CA13: variants seen among roughly 807,000 people sequenced by gnomAD.
CA13 encodes the protein carbonic anhydrase 13.
A neutral mutation model predicts 31.5 loss-of-function variants in CA13; 21 were observed. That is an observed-to-expected ratio of 0.67 (90% CI 0.47 to 0.96). The LOEUF (loss-of-function observed/expected upper bound fraction) is 0.96. Ranked by LOEUF, CA13 falls within the 40% of genes least tolerant of loss-of-function variation. The pLI, the probability that CA13 is intolerant of heterozygous loss-of-function variation, is 0.00. For synonymous variants in CA13, 117 were observed against 111.4 expected, an observed-to-expected ratio of 1.05 and a Z score of -0.32; for missense variants, 315 against 318.9, an observed-to-expected ratio of 0.99 and a Z score of 0.09.
At chr8:85,251,488 T>G (rs981078789) in intron 2 of CA13, among the ~76,000 whole-genome samples, 4 of 152,254 alleles carry the variant, frequency 2.6e-5, no homozygotes, top group Admixed American at 1.3e-4. Context: ...TGACCTTAGC[T>G]TGTTATTATA....
chr8:85,248,657 G>T (rs1281826725), intron 1 of CA13, among the ~76,000 whole-genome samples: 2 of 152,038 alleles, frequency 1.3e-5, no homozygotes, highest in Non-Finnish European at 2.9e-5. Context: ...AAGAGGCAGG[G>T]TACTGAACTG....
Position 85,270,401 on chromosome 8 carries a change from C to G in CA13, c.669+1774C>G, listed in dbSNP as rs749237957. On this transcript the variant is annotated intron_variant, in intron 6 of 6. Transcript: ENST00000321764. ...TTTAGGATTAAAGGCAAATAATAACCTAGTGTATACTTTTTAAAAACATTT... is the reference window on the plus strand; with the variant it reads ...TTTAGGATTAAAGGCAAATAATAACGTAGTGTATACTTTTTAAAAACATTT... 2.0e-4 allele frequency among the ~76,000 whole-genome samples: 30 copies of G among 152,178 alleles called. 2 individuals are homozygous for G. Among genetic ancestry groups the G allele is most frequent in the Middle Eastern group, 6.8e-3 (2 of 294 alleles).
chr8:85,265,631 C>T (rs907480756), intron 3 of CA13, among the ~76,000 whole-genome samples: 1 of 151,906 alleles, frequency 6.6e-6, no homozygotes, highest in Non-Finnish European at 1.5e-5. Flanking sequence ...TTGAAACTTG[C>T]TCTCAGCAAA....
At chr8:85,274,150 G>A (rs571011890) in intron 6 of CA13, among the ~76,000 whole-genome samples, 6 of 152,058 alleles carry the variant, frequency 3.9e-5, no homozygotes, top group Non-Finnish European at 7.4e-5. Flanking sequence ...TTCAGGTCCC[G>A]GGGAGAATCT....
intron 2 of CA13, among the ~76,000 whole-genome samples, chr8:85,251,711 T>C (rs1813832906): frequency 6.6e-6 from 1 of 152,200 alleles, no homozygotes; most frequent in Non-Finnish European, 1.5e-5. Flanking sequence ...CCACTCATAG[T>C]AAATGAAACA....
At chr8:85,279,898 A>C (rs934083169) in intron 6 of CA13, among the ~76,000 whole-genome samples, 1 of 152,182 alleles carries the variant, frequency 6.6e-6, no homozygotes, top group African/African-American at 2.4e-5. Context: ...ATGTGGTTTT[A>C]GCTATAATGA....
intron 2 of CA13, among the ~76,000 whole-genome samples, chr8:85,251,982 G>A (rs761938876): frequency 1.3e-5 from 2 of 152,180 alleles, no homozygotes; most frequent in African/African-American, 4.8e-5. Flanking sequence ...CTGCAGCCGG[G>A]TGTGGTGGCT....
At chr8:85,247,673 G>T (rs1369618610) in intron 1 of CA13, among the ~76,000 whole-genome samples, 1 of 152,116 alleles carries the variant, frequency 6.6e-6, no homozygotes, top group African/African-American at 2.4e-5. Flanking sequence ...GGGTTCAAGC[G>T]ATTCTCCAGC....
chr8:85,250,421 G>A (rs886650098), intron 1 of CA13, among the ~76,000 whole-genome samples: 2 of 152,180 alleles, frequency 1.3e-5, no homozygotes, highest in African/African-American at 2.4e-5. Flanking sequence ...TGTTTTCAAT[G>A]ATGAGTTGTA....
At chr8:85,274,364 G>A (rs1298355715) in intron 6 of CA13, among the ~76,000 whole-genome samples, 1 of 152,140 alleles carries the variant, frequency 6.6e-6, no homozygotes, top group Non-Finnish European at 1.5e-5. Flanking sequence ...GGATAACACA[G>A]GGGAGAAACA....
At chr8:85,274,892 G>T (rs912427914) in intron 6 of CA13, among the ~76,000 whole-genome samples, 1 of 152,282 alleles carries the variant, frequency 6.6e-6, no homozygotes, top group East Asian at 1.9e-4. Context: ...CTCTGGTTAG[G>T]TTATCATACA....
chr8:85,274,961 T>A (rs1322870472), intron 6 of CA13, among the ~76,000 whole-genome samples: 1 of 152,152 alleles, frequency 6.6e-6, no homozygotes, highest in African/African-American at 2.4e-5. Flanking sequence ...CAGCTTTAAT[T>A]GTGCCTAGGA....
chr8:85,270,162 G>C (rs1807510446), intron 6 of CA13, among the ~76,000 whole-genome samples: 1 of 152,086 alleles, frequency 6.6e-6, no homozygotes, highest in African/African-American at 2.4e-5. Context: ...TTTTGCATTA[G>C]GTGCAATATC....
At chr8:85,254,826 AAC>A (rs1163267044) in intron 2 of CA13, among the ~76,000 whole-genome samples, 1 of 148,716 alleles carries the variant, frequency 6.7e-6, no homozygotes, top group African/African-American at 2.5e-5. Context: ...AACTATAAAA[AAC>A]ACAAAGATAC....
chr8:85,277,821 A>G (rs1026509556), intron 6 of CA13, among the ~76,000 whole-genome samples: 1 of 152,170 alleles, frequency 6.6e-6, no homozygotes, highest in Non-Finnish European at 1.5e-5. Context: ...ACTGCTGCGT[A>G]GTACCTGGAC....
At position 85,267,924 on chromosome 8, in the gene CA13, T is replaced by A; in HGVS notation, c.473T>A (p.Leu158Gln). 6.3e-7 allele frequency: 1 copy of A among 1,598,208 alleles called. No individual in the cohort carries two copies. Among genetic ancestry groups the A allele is most frequent in the South Asian group, 1.1e-5 (1 of 89,332 alleles). Reference protein sequence around the residue: ...FLQIGEPNSQLQKITDTLDSI... With the variant: ...FLQIGEPNSQQQKITDTLDSI... Reference sequence around the variant, plus strand: ...TAGATTGGTGAACCTAATTCCCAACTGCAAAAGATTACTGACACTTTGGAT... The same window carrying A: ...TAGATTGGTGAACCTAATTCCCAACAGCAAAAGATTACTGACACTTTGGAT... Residue 158 changes from leucine (L) to glutamine (Q), a missense_variant, in exon 5 of 7, where the codon CTG becomes CAG. Transcript: ENST00000321764.
chr8:85,251,532 AAAGTTT>A (rs1813828973), intron 2 of CA13, among the ~76,000 whole-genome samples: 1 of 152,236 alleles, frequency 6.6e-6, no homozygotes, highest in African/African-American at 2.4e-5. Context: ...TAAAAATATT[AAAGTTT>A]AATAGTTTTT....
At chr8:85,262,335 C>T (rs973184905) in intron 3 of CA13, among the ~76,000 whole-genome samples, 2 of 152,080 alleles carry the variant, frequency 1.3e-5, no homozygotes, top group Middle Eastern at 3.2e-3. Flanking sequence ...GATAGGCATC[C>T]GTTTTAAGTT....
At chr8:85,250,645 T>C in intron 1 of CA13, 95 bp from the exon 2 acceptor site, 1 of 748,820 alleles carries the variant, frequency 1.3e-6, no homozygotes, top group South Asian at 2.1e-5. Context: ...TCTTTGCGTT[T>C]TCTTCAATTT....
Sources: allele counts gnomAD v4.1 joint callset (sites outside exome capture counted in the v4.1 genomes callset), GRCh38; gene constraint gnomAD v4.1.1; transcripts MANE v1.5; gene names NCBI Gene and HGNC (gene_info 2026-07-23, HGNC 2026-07-21).